STK39: variants seen among roughly 807,000 people sequenced by gnomAD.
STK39 encodes STE20/SPS1-related proline-alanine-rich protein kinase.
In STK39, 20 loss-of-function variants were observed where a neutral mutation model predicts 77.8. That is an observed-to-expected ratio of 0.26 (90% CI 0.18 to 0.37). STK39 has a LOEUF of 0.37. Among genes scored for constraint, STK39 ranks in the 10% least tolerant of loss-of-function variants. The pLI, the probability that STK39 is intolerant of heterozygous loss-of-function variation, is 1.00. For missense variants in STK39, 479 were observed against 656.5 expected, an observed-to-expected ratio of 0.73 and a Z score of 2.95; for synonymous variants, 246 against 234.1, an observed-to-expected ratio of 1.05 and a Z score of -0.47.
intron 1 of STK39, among the ~76,000 whole-genome samples, chr2:168,197,815 C>A (rs1689509981): frequency 6.6e-6 from 1 of 152,116 alleles, no homozygotes; most frequent in East Asian, 1.9e-4. Context: ...GTGGCCGGAT[C>A]ACCTGAGGTC....
intron 1 of STK39, among the ~76,000 whole-genome samples, chr2:168,185,074 T>C (rs1689174485): frequency 6.6e-6 from 1 of 152,216 alleles, no homozygotes; most frequent in African/African-American, 2.4e-5. Flanking sequence ...CAACATGAAA[T>C]AAAATAAGAG....
intron 5 of STK39, among the ~76,000 whole-genome samples, chr2:168,152,795 G>A (rs940222336): frequency 3.9e-5 from 6 of 152,150 alleles, no homozygotes; most frequent in East Asian, 1.9e-4. Flanking sequence ...GCTCCTGGCC[G>A]GCCATATCCG....
intron 1 of STK39, among the ~76,000 whole-genome samples, chr2:168,205,353 A>G (rs1036125258): frequency 6.6e-6 from 1 of 152,242 alleles, no homozygotes; most frequent in African/African-American, 2.4e-5. Context: ...AGATACCACT[A>G]TGAGTGACTT....
chr2:167,973,010 A>C (rs1442805822), intron 16 of STK39, among the ~76,000 whole-genome samples: 1 of 152,166 alleles, frequency 6.6e-6, no homozygotes, highest in Non-Finnish European at 1.5e-5. Context: ...CTCCACCCTA[A>C]AGCCAGTAAT....
chr2:168,206,725 A>C (rs1210261538), intron 1 of STK39, among the ~76,000 whole-genome samples: 1 of 152,232 alleles, frequency 6.6e-6, no homozygotes, highest in African/African-American at 2.4e-5. Context: ...GGATCTAGAA[A>C]ACAGACACCC....
rs139010429 is a variant in STK39, at chr2:168,221,322, A to G, written c.208+25906T>C. Among the ~76,000 whole-genome samples the G allele has an allele frequency of 2.4e-3, 361 of 152,332 alleles. 4 individuals are homozygous for G. Among genetic ancestry groups the G allele is most frequent in the African/African-American group, 8.4e-3 (348 of 41,558 alleles). ...AGTCCAGAGTTTACATACAAGCTAG[A>G]ACATTATGTTAATACATGCGTGTCA... On this transcript the variant is annotated intron_variant, in intron 1 of 17. Coordinates refer to ENST00000355999, the MANE Select transcript of STK39 (RefSeq NM_013233.3).
chr2:168,163,529 TAAGTTA>T (rs1688627225), intron 4 of STK39: 1 of 905,426 alleles, frequency 1.1e-6, no homozygotes. Context: ...CTATTTAGAC[TAAGTTA>T]AAGTAATGTC....
chr2:168,133,295 C>G (rs1687747895), intron 8 of STK39, among the ~76,000 whole-genome samples: 1 of 152,190 alleles, frequency 6.6e-6, no homozygotes, highest in African/African-American at 2.4e-5. Context: ...ACTCCTTTCT[C>G]TGCACTCCAC....
intron 10 of STK39, among the ~76,000 whole-genome samples, chr2:168,128,020 G>A (rs1687590569): frequency 6.6e-6 from 1 of 152,086 alleles, no homozygotes; most frequent in South Asian, 2.1e-4. Context: ...GAGGGAAGGT[G>A]GGCCCTGTGG....
At chr2:167,955,702 G>A in intron 17 of STK39, 132 bp from the exon 18 acceptor site, 3 of 813,108 alleles carry the variant, frequency 3.7e-6, no homozygotes, top group South Asian at 3.5e-5. Flanking sequence ...TCTTCCAGAA[G>A]AGAGACGCCA....
chr2:168,121,870 C>G (rs1000885654), intron 10 of STK39, among the ~76,000 whole-genome samples: 1 of 152,334 alleles, frequency 6.6e-6, no homozygotes, highest in South Asian at 2.1e-4. Flanking sequence ...ATTGTCAGCT[C>G]TGCCTTACAG....
intron 1 of STK39, among the ~76,000 whole-genome samples, chr2:168,212,282 C>G (rs1462889897): frequency 1.3e-5 from 2 of 152,218 alleles, no homozygotes; most frequent in Non-Finnish European, 2.9e-5. Context: ...AAGGAAGCTA[C>G]TGAAACTTAC....
chr2:168,224,329 C>A (rs745457181), intron 1 of STK39, among the ~76,000 whole-genome samples: 5 of 151,996 alleles, frequency 3.3e-5, no homozygotes, highest in Non-Finnish European at 7.4e-5. Context: ...AAAGACCCAT[C>A]AGCATTCAAA....
intron 2 of STK39, among the ~76,000 whole-genome samples, chr2:168,179,227 G>T (rs1689023650): frequency 6.6e-6 from 1 of 152,184 alleles, no homozygotes. Flanking sequence ...TAGGATACCA[G>T]ATGTCCAAAC....
At chr2:168,007,540 A>T (rs2105306597) in intron 16 of STK39, among the ~76,000 whole-genome samples, 1 of 152,300 alleles carries the variant, frequency 6.6e-6, no homozygotes, top group South Asian at 2.1e-4. Context: ...CATACAGGCT[A>T]TTGAATGGGG....
rs370826601 is a variant in STK39, at chr2:168,234,815, TACATATTTTTACTCTATTTATTTATTCAG to T, written c.208+12384_208+12412del. On this transcript the variant is annotated intron_variant, in intron 1 of 17. Coordinates refer to ENST00000355999, the MANE Select transcript of STK39 (RefSeq NM_013233.3). The stretch of plus-strand genomic sequence containing the variant: ...AAGACATAAGATTTTTACTGATTCC[TACATATTTTTACTCTATTTATTTATTCAG>T]ACATATTTTTACTCTATTGAGTCAT... Among the ~76,000 whole-genome samples, 485 of 142,750 alleles carry T rather than the reference TACATATTTTTACTCTATTTATTTATTCAG, an allele frequency of 3.4e-3. 1 individual carries two copies. The highest frequency in any genetic ancestry group is 0.011 in the African/African-American group (464 of 41,044). 93.6% of individuals were successfully genotyped at this position (142,750 alleles called of 152,430 possible). A position where few individuals can be genotyped will look rare whatever the true frequency, so the allele number is the denominator to read the frequency against.
At chr2:168,079,631 TA>T (rs2105412513) in intron 10 of STK39, among the ~76,000 whole-genome samples, 1 of 152,256 alleles carries the variant, frequency 6.6e-6, no homozygotes, top group South Asian at 2.1e-4. Context: ...GGGAGCTTGT[TA>T]GAAATGCAGA....
At position 167,973,620 on chromosome 2, in the gene STK39, T is replaced by C. The variant is rs535178566; in HGVS notation, c.1499-8894A>G. Among the ~76,000 whole-genome samples, 26 of 152,314 alleles carry C rather than the reference T, an allele frequency of 1.7e-4. No homozygotes were observed. In the East Asian group the frequency reaches 3.9e-3, roughly 23 times the overall value. On this transcript the variant is annotated intron_variant, in intron 16 of 17. Coordinates refer to ENST00000355999, the MANE Select transcript of STK39 (RefSeq NM_013233.3). ...GTTGCTGAGTTACCATTATAACATA[T>C]GATTGAGACTACTGAAAAAATGGTT... is the stretch of plus-strand genomic sequence containing the variant.
At chr2:168,230,161 A>G (rs1041468315) in intron 1 of STK39, among the ~76,000 whole-genome samples, 5 of 152,230 alleles carry the variant, frequency 3.3e-5, no homozygotes, top group Non-Finnish European at 7.3e-5. Flanking sequence ...AATTCCTTCC[A>G]TCCTTGTATA....
Sources: allele counts gnomAD v4.1 joint callset (sites outside exome capture counted in the v4.1 genomes callset), GRCh38; gene constraint gnomAD v4.1.1; transcripts MANE v1.5; gene names NCBI Gene and HGNC (gene_info 2026-07-23, HGNC 2026-07-21).